The following DCDC1 variants were observed in gnomAD, a reference collection of about 807,000 sequenced individuals.
DCDC1 encodes doublecortin domain containing 1, also known as doublecortin domain-containing protein 1.
DCDC1 carries 200 observed loss-of-function variants against 178.3 expected under a neutral mutation model. The ratio of observed to expected loss-of-function variants is 1.12; its 90% CI spans 1.00 to 1.26. DCDC1 has a LOEUF of 1.26. DCDC1 is among the 50% of genes most tolerant of loss of function. DCDC1 has a pLI of 0.00. For synonymous variants in DCDC1, 690 were observed against 604.8 expected, an observed-to-expected ratio of 1.14 and a Z score of -2.07; for missense variants, 1,983 against 1,749.2, an observed-to-expected ratio of 1.13 and a Z score of -2.38.
intron 20 of DCDC1, among the ~76,000 whole-genome samples, chr11:31,017,404 C>A (rs1952551224): frequency 6.6e-6 from 1 of 152,034 alleles, no homozygotes; most frequent in South Asian, 2.1e-4. Flanking sequence ...ATAACATTTT[C>A]TTTTCTTTAG....
chr11:31,313,695 G>A (rs1948899760), intron 3 of DCDC1, among the ~76,000 whole-genome samples: 1 of 151,994 alleles, frequency 6.6e-6, no homozygotes, highest in Non-Finnish European at 1.5e-5. Flanking sequence ...TTAGTGCTGT[G>A]GTTATTTTTA....
At chr11:31,262,927 A>G (rs757334695) in intron 8 of DCDC1, 16 of 975,386 alleles carry the variant, frequency 1.6e-5, no homozygotes, top group Non-Finnish European at 2.1e-5. Flanking sequence ...TTCAGCTGGC[A>G]TAAGCTTTTA....
intron 30 of DCDC1, 64 bp from the exon 31 acceptor site, chr11:30,905,228 T>C (rs976947556): frequency 2.0e-6 from 3 of 1,491,628 alleles, no homozygotes; most frequent in Non-Finnish European, 2.7e-6. Context: ...TGCTACACTT[T>C]AGTCTCTTAA....
chr11:30,982,823 C>T (rs542597820), intron 20 of DCDC1, among the ~76,000 whole-genome samples: 3 of 152,208 alleles, frequency 2.0e-5, no homozygotes, highest in East Asian at 1.9e-4. Context: ...GCATCCAATG[C>T]GGCCCCATAC....
At position 30,903,476 on chromosome 11, in the gene DCDC1, G is replaced by A; in HGVS notation, c.4510+6C>T. The A allele has an allele frequency of 6.3e-7, 1 of 1,583,314 alleles. No individual in the cohort carries two copies. The highest frequency in any genetic ancestry group is 8.6e-7 in the Non-Finnish European group (1 of 1,163,434). On this transcript the variant is annotated splice_donor_region_variant and intron_variant, in intron 32 of 38. Coordinates refer to ENST00000684477, the MANE Select transcript of DCDC1 (RefSeq NM_001387274.1). ...AATCAGCTAAATGCTGTAGATTGTAGCCAACCTTCCATACTTTCAACAATT... is the reference window on the plus strand; with the variant it reads ...AATCAGCTAAATGCTGTAGATTGTAACCAACCTTCCATACTTTCAACAATT...
chr11:31,245,411 A>G (rs951650501), intron 8 of DCDC1, among the ~76,000 whole-genome samples: 4 of 151,834 alleles, frequency 2.6e-5, no homozygotes, highest in African/African-American at 4.8e-5. Flanking sequence ...CATAACTACA[A>G]CTATCCATGA....
chr11:31,310,884 C>T (rs1169660049), intron 3 of DCDC1, among the ~76,000 whole-genome samples: 1 of 152,128 alleles, frequency 6.6e-6, no homozygotes, highest in Admixed American at 6.5e-5. Context: ...AATAAAACCA[C>T]TCCTGCAGGG....
chr11:31,311,103 G>A (rs955659402), intron 3 of DCDC1, among the ~76,000 whole-genome samples: 1 of 152,006 alleles, frequency 6.6e-6, no homozygotes, highest in African/African-American at 2.4e-5. Flanking sequence ...TCATTTCTAT[G>A]CTAAATTACT....
chr11:31,073,161 T>C (rs761486155), intron 18 of DCDC1, among the ~76,000 whole-genome samples: 15 of 152,202 alleles, frequency 9.9e-5, no homozygotes, highest in Non-Finnish European at 1.9e-4. Flanking sequence ...AGTTTTGCTT[T>C]GGGAATTTAG....
At chr11:30,922,750 G>GACATTT in intron 23 of DCDC1, 112 bp from the exon 24 acceptor site, 8 of 1,081,458 alleles carry the variant, frequency 7.4e-6, no homozygotes, top group Non-Finnish European at 9.9e-6. Context: ...AATATAATAG[G>GACATTT]TGAATGATTA....
At chr11:30,911,550 A>G in intron 27 of DCDC1, 130 bp from the exon 28 acceptor site, 3 of 714,804 alleles carry the variant, frequency 4.2e-6, no homozygotes, top group South Asian at 1.7e-5. Flanking sequence ...ATCCTTTAAG[A>G]ATTTCTCCCC....
At chr11:31,063,490 G>A (rs1956069066) in intron 20 of DCDC1, among the ~76,000 whole-genome samples, 1 of 152,128 alleles carries the variant, frequency 6.6e-6, no homozygotes, top group Non-Finnish European at 1.5e-5. Flanking sequence ...AGAAAATGTG[G>A]CACATATACA....
chr11:31,235,630 G>A (rs1976358924), intron 9 of DCDC1, among the ~76,000 whole-genome samples: 1 of 151,894 alleles, frequency 6.6e-6, no homozygotes, highest in Non-Finnish European at 1.5e-5. Context: ...AAAGTAAGGT[G>A]ATAACTAATA....
chr11:31,213,468 T>G (rs1973099023), intron 9 of DCDC1, among the ~76,000 whole-genome samples: 1 of 151,936 alleles, frequency 6.6e-6, no homozygotes, highest in Admixed American at 6.6e-5. Context: ...ATGTCTGTAA[T>G]CCCAGCACTT....
chr11:30,944,844 T>A (rs554147127), intron 21 of DCDC1, among the ~76,000 whole-genome samples: 11 of 152,188 alleles, frequency 7.2e-5, no homozygotes, highest in Admixed American at 2.6e-4. Context: ...CAGTAATTTA[T>A]CTACTCCACA....
intron 20 of DCDC1, among the ~76,000 whole-genome samples, chr11:30,966,069 CAT>C (rs1356197234): frequency 2.0e-3 from 12 of 5,914 alleles, no homozygotes; most frequent in African/African-American, 7.5e-3. Context: ...CATACGTGTG[CAT>C]GTGTCTTTAT....
intron 20 of DCDC1, among the ~76,000 whole-genome samples, chr11:31,010,231 T>C (rs1952092321): frequency 6.6e-6 from 1 of 152,216 alleles, no homozygotes; most frequent in African/African-American, 2.4e-5. Context: ...AGCCTGGCTG[T>C]CTTCTTGCTG....
rs1005678657 is a variant in DCDC1, at chr11:30,962,293, T to A, written c.2592-9725A>T. ...AATAAATACAGTTGAAATTTGTTCA[T>A]CTGCCTTATTGTATATTCATGCCCC... is the stretch of plus-strand genomic sequence containing the variant. On this transcript the variant is annotated intron_variant, in intron 20 of 38. Transcript: ENST00000684477. 2.6e-5 allele frequency among the ~76,000 whole-genome samples: 4 copies of A among 152,192 alleles called. No individual in the cohort carries two copies. In the East Asian group the frequency reaches 5.8e-4, roughly 22 times the overall value.
intron 18 of DCDC1, among the ~76,000 whole-genome samples, chr11:31,066,958 G>T (rs555373648): frequency 6.6e-6 from 1 of 152,178 alleles, no homozygotes; most frequent in Admixed American, 6.6e-5. Flanking sequence ...CATTTGTGAG[G>T]GTAAGGGATA....
Sources: gnomAD v4.1 joint callset for allele counts (sites outside exome capture counted in the v4.1 genomes callset) on GRCh38, gnomAD v4.1.1 for gene constraint, MANE v1.5 for transcripts, NCBI Gene and HGNC (gene_info 2026-07-23, HGNC 2026-07-21) for gene names.